The following RSPO2 variants were observed in gnomAD, a reference collection of about 807,000 sequenced individuals.
The protein encoded by RSPO2 is R-spondin 2.
In RSPO2, 14 loss-of-function variants were observed where a neutral mutation model predicts 30.9. The observed-to-expected ratio is 0.45, with a 90% CI of 0.30 to 0.71. The LOEUF (loss-of-function observed/expected upper bound fraction) is 0.71. Among genes scored for constraint, RSPO2 ranks in the 30% least tolerant of loss-of-function variants. The pLI is 0.08. For missense variants in RSPO2, 264 were observed against 301.9 expected (o/e 0.87, Z 0.93); for synonymous variants, 107 against 96.4 (o/e 1.11, Z -0.64).
intron 2 of RSPO2, among the ~76,000 whole-genome samples, chr8:108,027,735 C>T (rs569730452): frequency 6.6e-6 from 1 of 152,254 alleles, no homozygotes; most frequent in South Asian, 2.1e-4. Flanking sequence ...AATATTTCAT[C>T]TTTCTCAAAA....
chr8:108,081,923 A>G, intron 2 of RSPO2: 3 of 985,150 alleles, frequency 3.0e-6, no homozygotes, highest in Non-Finnish European at 3.6e-6. Context: ...TTAATTCAGA[A>G]AGTTCCCATC....
intron 2 of RSPO2, among the ~76,000 whole-genome samples, chr8:108,023,501 T>C (rs760529033): frequency 1.1e-4 from 16 of 152,180 alleles, no homozygotes; most frequent in Non-Finnish European, 2.2e-4. Context: ...GATTTTCGAT[T>C]CAGAGTTAAG....
At chr8:108,003,305 ATATATATTTTTTTTTT>A (rs1301661116) in intron 2 of RSPO2, among the ~76,000 whole-genome samples, 42 of 26,408 alleles carry the variant, frequency 1.6e-3, no homozygotes, top group African/African-American at 4.3e-3. Flanking sequence ...ATATATATAT[ATATATATTTTTTTTTT>A]TTTTTTTTTT....
At chr8:107,994,232 C>T (rs748509482) in intron 2 of RSPO2, among the ~76,000 whole-genome samples, 2 of 152,004 alleles carry the variant, frequency 1.3e-5, no homozygotes, top group Non-Finnish European at 2.9e-5. Flanking sequence ...TACATTTTTA[C>T]AATTAATATG....
intron 5 of RSPO2, among the ~76,000 whole-genome samples, chr8:107,926,673 T>C (rs1242401043): frequency 6.6e-6 from 1 of 152,192 alleles, no homozygotes. Context: ...CATTGCTTGT[T>C]TTTCTCAGGT....
chr8:108,001,455 A>T (rs1259229633), intron 2 of RSPO2, among the ~76,000 whole-genome samples: 1 of 152,088 alleles, frequency 6.6e-6, no homozygotes, highest in African/African-American at 2.4e-5. Flanking sequence ...ATCTTAATGC[A>T]TATCCCTACA....
At chr8:107,916,757 G>A (rs1383240350) in intron 5 of RSPO2, among the ~76,000 whole-genome samples, 1 of 152,174 alleles carries the variant, frequency 6.6e-6, no homozygotes, top group East Asian at 1.9e-4. Context: ...TTTTTCCATA[G>A]GTTAAATATT....
intron 3 of RSPO2, among the ~76,000 whole-genome samples, chr8:107,962,317 G>A (rs992107677): frequency 1.4e-4 from 21 of 152,130 alleles, no homozygotes; most frequent in Admixed American, 3.3e-4. Context: ...GATCACATAA[G>A]AAATAACTGT....
intron 5 of RSPO2, among the ~76,000 whole-genome samples, chr8:107,920,862 C>A (rs935289308): frequency 2.0e-5 from 3 of 152,128 alleles, no homozygotes; most frequent in Middle Eastern, 6.8e-3. Context: ...GAAGTTAAAA[C>A]GTAAAGTAGA....
chr8:107,936,768 G>A (rs939769621), intron 5 of RSPO2, among the ~76,000 whole-genome samples: 9 of 151,950 alleles, frequency 5.9e-5, no homozygotes, highest in Admixed American at 1.3e-4. Context: ...GAGTAATGTT[G>A]GTATTTTTTC....
intron 2 of RSPO2, among the ~76,000 whole-genome samples, chr8:108,068,201 G>A (rs1447981513): frequency 2.0e-5 from 3 of 152,220 alleles, no homozygotes; most frequent in African/African-American, 7.2e-5. Context: ...TAATAAAGAG[G>A]TGACTCTGAG....
At chr8:107,951,487 T>C (rs984667071) in intron 5 of RSPO2, among the ~76,000 whole-genome samples, 1 of 152,184 alleles carries the variant, frequency 6.6e-6, no homozygotes, top group Non-Finnish European at 1.5e-5. Flanking sequence ...CTATTAAAGT[T>C]GTTTTTATTT....
chr8:108,060,474 G>T (rs1207574100), intron 2 of RSPO2, among the ~76,000 whole-genome samples: 1 of 151,708 alleles, frequency 6.6e-6, no homozygotes, highest in Admixed American at 6.6e-5. Flanking sequence ...GAGAAGAGAA[G>T]TTTAGAGAAA....
intron 5 of RSPO2, among the ~76,000 whole-genome samples, chr8:107,926,203 C>T (rs1268746718): frequency 6.6e-6 from 1 of 152,136 alleles, no homozygotes; most frequent in Non-Finnish European, 1.5e-5. Context: ...TAAATGTCTT[C>T]TTTTGAGAAG....
At chr8:107,909,259 G>GTTTTTTT (rs11292252) in intron 5 of RSPO2, among the ~76,000 whole-genome samples, 1 of 91,602 alleles carries the variant, frequency 1.1e-5, no homozygotes, top group Non-Finnish European at 2.3e-5. Context: ...TTTCCCAGTT[G>GTTTTTTT]TTTTTTTTTT....
At chr8:107,927,014 C>G (rs1377497707) in intron 5 of RSPO2, among the ~76,000 whole-genome samples, 1 of 152,064 alleles carries the variant, frequency 6.6e-6, no homozygotes, top group African/African-American at 2.4e-5. Context: ...GATATTGATT[C>G]TTCCTATCCA....
intron 2 of RSPO2, among the ~76,000 whole-genome samples, chr8:108,079,870 T>A (rs1428386239): frequency 1.3e-5 from 2 of 152,014 alleles, no homozygotes; most frequent in African/African-American, 4.8e-5. Flanking sequence ...ACTGACACTA[T>A]CCAAAACAAA....
At chr8:107,970,758 C>T (rs369624193) in intron 3 of RSPO2, among the ~76,000 whole-genome samples, 29 of 152,120 alleles carry the variant, frequency 1.9e-4, no homozygotes, top group African/African-American at 6.8e-4. Flanking sequence ...GACTTTTGAA[C>T]GAAGTTGCTG....
intron 2 of RSPO2, among the ~76,000 whole-genome samples, chr8:107,995,702 A>G (rs71524730): frequency 4.3e-4 from 65 of 152,212 alleles, no homozygotes; most frequent in Non-Finnish European, 6.0e-4. Flanking sequence ...TTCCTCCTCT[A>G]GCTTCTATGA....
Sources: gnomAD v4.1 joint callset for allele counts (sites outside exome capture counted in the v4.1 genomes callset) on GRCh38, gnomAD v4.1.1 for gene constraint, MANE v1.5 for transcripts, NCBI Gene and HGNC (gene_info 2026-07-23, HGNC 2026-07-21) for gene names.